The following DLGAP2 variants were observed in gnomAD, a reference collection of about 807,000 sequenced individuals.
The protein encoded by DLGAP2 is disks large-associated protein 2.
A neutral mutation model predicts 100.3 loss-of-function variants in DLGAP2; 26 were observed. That is an observed-to-expected ratio of 0.26 (90% CI 0.19 to 0.36). DLGAP2 has a LOEUF of 0.36. Ranked by LOEUF, DLGAP2 falls within the 10% of genes least tolerant of loss-of-function variation. The probability of loss-of-function intolerance (pLI) is 1.00; values close to 1 mark genes in which losing one functional copy is unlikely to be tolerated. For synonymous variants in DLGAP2, 886 were observed against 630.1 expected, an observed-to-expected ratio of 1.41 and a Z score of -6.08; for missense variants, 1,858 against 1,453.2, an observed-to-expected ratio of 1.28 and a Z score of -4.53.
chr8:1,120,286 G>A (rs1796007053), intron 2 of DLGAP2, among the ~76,000 whole-genome samples: 1 of 152,138 alleles, frequency 6.6e-6, no homozygotes, highest in Non-Finnish European at 1.5e-5. Context: ...GGCCTGAGAA[G>A]CTCAAATCAC....
At chr8:1,294,214 G>A (rs540869744) in intron 3 of DLGAP2, among the ~76,000 whole-genome samples, 1 of 152,266 alleles carries the variant, frequency 6.6e-6, no homozygotes, top group East Asian at 1.9e-4. Flanking sequence ...CTCTCCCCTT[G>A]CCAGTCATTC....
chr8:780,782 C>T (rs993962576), intron 1 of DLGAP2, among the ~76,000 whole-genome samples: 10 of 152,218 alleles, frequency 6.6e-5, no homozygotes, highest in African/African-American at 9.6e-5. Context: ...CTGTTCCTGC[C>T]GCCTCACCAA....
At chr8:1,201,198 G>C (rs995693606) in intron 2 of DLGAP2, among the ~76,000 whole-genome samples, 1 of 152,204 alleles carries the variant, frequency 6.6e-6, no homozygotes, top group African/African-American at 2.4e-5. Flanking sequence ...TTGTCCATCA[G>C]GGTTCTCGAG....
intron 3 of DLGAP2, among the ~76,000 whole-genome samples, chr8:1,328,576 C>G (rs530938214): frequency 1.3e-5 from 2 of 152,086 alleles, no homozygotes; most frequent in African/African-American, 4.8e-5. Context: ...GTCTTGAACT[C>G]CTGACCTCAG....
chr8:1,243,565 T>C (rs1033384659), intron 2 of DLGAP2, among the ~76,000 whole-genome samples: 1 of 152,222 alleles, frequency 6.6e-6, no homozygotes, highest in Non-Finnish European at 1.5e-5. Flanking sequence ...GCTCACGATA[T>C]ATTACAAAAT....
intron 1 of DLGAP2, among the ~76,000 whole-genome samples, chr8:887,819 T>C (rs1797951990): frequency 6.6e-6 from 1 of 152,214 alleles, no homozygotes; most frequent in Non-Finnish European, 1.5e-5. Flanking sequence ...TTTCTTCATT[T>C]CAACCTTGGA....
At chr8:813,510 G>A (rs777561956) in intron 1 of DLGAP2, among the ~76,000 whole-genome samples, 6 of 152,108 alleles carry the variant, frequency 3.9e-5, no homozygotes, top group Non-Finnish European at 7.3e-5. Flanking sequence ...GCACCCTTGA[G>A]GTGTGCGTGT....
chr8:1,217,399 A>G (rs566084258), intron 2 of DLGAP2, among the ~76,000 whole-genome samples: 1 of 152,226 alleles, frequency 6.6e-6, no homozygotes, highest in African/African-American at 2.4e-5. Context: ...GCTATTGTGA[A>G]TAGTTCTGTG....
intron 3 of DLGAP2, among the ~76,000 whole-genome samples, chr8:1,468,943 C>T (rs1323705434): frequency 6.6e-6 from 1 of 152,182 alleles, no homozygotes; most frequent in Non-Finnish European, 1.5e-5. Flanking sequence ...AAGACATCGT[C>T]CTGGTATTAG....
chr8:915,223 G>A (rs1798565293), intron 2 of DLGAP2, among the ~76,000 whole-genome samples: 1 of 152,128 alleles, frequency 6.6e-6, no homozygotes, highest in South Asian at 2.1e-4. Context: ...CTGTGGCGTT[G>A]CCCTCCCTTG....
chr8:770,179 G>T (rs1012438415), intron 1 of DLGAP2, among the ~76,000 whole-genome samples: 1 of 152,152 alleles, frequency 6.6e-6, no homozygotes, highest in Non-Finnish European at 1.5e-5. Context: ...ACAGCACAGT[G>T]TTGCTACAAT....
At chr8:856,556 G>GGTCA (rs1470314433) in intron 1 of DLGAP2, among the ~76,000 whole-genome samples, 2 of 152,140 alleles carry the variant, frequency 1.3e-5, no homozygotes, top group Admixed American at 1.3e-4. Flanking sequence ...AATATGCAAA[G>GGTCA]GTCAGTTACT....
At chr8:1,580,424 G>C (rs1268446728) in intron 6 of DLGAP2, among the ~76,000 whole-genome samples, 4 of 152,308 alleles carry the variant, frequency 2.6e-5, no homozygotes, top group African/African-American at 9.6e-5. Context: ...TTACCCAGCG[G>C]AGGCTCGAAG....
chr8:954,975 C>T (rs188911921), intron 2 of DLGAP2, among the ~76,000 whole-genome samples: 132 of 152,208 alleles, frequency 8.7e-4, no homozygotes, highest in Non-Finnish European at 1.7e-3. Flanking sequence ...TAGAAGAGAA[C>T]GAGGATTTTT....
intron 3 of DLGAP2, chr8:1,295,955 G>T (rs576903941): frequency 6.2e-4 from 94 of 152,336 alleles, no homozygotes; most frequent in African/African-American, 2.2e-3. Flanking sequence ...TCCTGGTTTT[G>T]CCAGGAGACA....
At chr8:1,637,281 T>C (rs1797788956) in intron 8 of DLGAP2, among the ~76,000 whole-genome samples, 1 of 152,106 alleles carries the variant, frequency 6.6e-6, no homozygotes, top group Non-Finnish European at 1.5e-5. Flanking sequence ...CATTTAGCTC[T>C]TTACTGGAAA....
intron 8 of DLGAP2, among the ~76,000 whole-genome samples, chr8:1,659,340 T>C (rs1798357444): frequency 6.6e-6 from 1 of 152,174 alleles, no homozygotes. Flanking sequence ...TAGAGAGTTC[T>C]GTAGATGTCT....
At position 1,477,869 on chromosome 8, in the gene DLGAP2, G is replaced by T. The variant is rs186961556; in HGVS notation, c.107-23497G>T. On this transcript the variant is annotated intron_variant, in intron 3 of 14. Coordinates refer to ENST00000637795, the MANE Select transcript of DLGAP2 (RefSeq NM_001346810.2). ...ATGAATAGACCTGATTCCAGATGCC[G>T]GTGTCGGGATGGCAGAGTGACCCTG... is the stretch of plus-strand genomic sequence containing the variant. Among the ~76,000 whole-genome samples, 4 of 151,968 alleles carry T rather than the reference G, an allele frequency of 2.6e-5. No individual in the cohort carries two copies. The East Asian group carries it at 7.7e-4, about 29-fold the overall frequency.
intron 6 of DLGAP2, among the ~76,000 whole-genome samples, chr8:1,594,228 G>C (rs1260305079): frequency 6.6e-6 from 1 of 152,060 alleles, no homozygotes; most frequent in Non-Finnish European, 1.5e-5. Flanking sequence ...CTCAGGCAAA[G>C]ATATTTCAAA....
Sources: allele counts gnomAD v4.1 joint callset (sites outside exome capture counted in the v4.1 genomes callset), GRCh38; gene constraint gnomAD v4.1.1; transcripts MANE v1.5; gene names NCBI Gene and HGNC (gene_info 2026-07-23, HGNC 2026-07-21).